The following VAV3 variants were observed in gnomAD, a reference collection of about 807,000 sequenced individuals.
VAV3 encodes the protein vav guanine nucleotide exchange factor 3, also known as guanine nucleotide exchange factor VAV3.
Under a neutral mutation model 131.2 loss-of-function variants are expected in VAV3, and 94 were observed. The observed-to-expected ratio is 0.72, with a 90% CI of 0.61 to 0.85. The LOEUF (loss-of-function observed/expected upper bound fraction) is 0.85, where lower values mean the gene tolerates loss of function less well. VAV3 is among the 40% of genes least tolerant of loss of function. The pLI is 0.00. For missense variants in VAV3, 939 were observed against 1,002.7 expected, an observed-to-expected ratio of 0.94 and a Z score of 0.86; for synonymous variants, 349 against 342.0, an observed-to-expected ratio of 1.02 and a Z score of -0.22.
At chr1:107,732,376 G>A (rs910496803) in intron 15 of VAV3, among the ~76,000 whole-genome samples, 9 of 152,082 alleles carry the variant, frequency 5.9e-5, no homozygotes, top group African/African-American at 7.2e-5. Context: ...CAGTGGGTGC[G>A]GCCACAGAGG....
At chr1:107,644,651 T>C (rs528944923) in intron 19 of VAV3, among the ~76,000 whole-genome samples, 1 of 152,192 alleles carries the variant, frequency 6.6e-6, no homozygotes, top group South Asian at 2.1e-4. Context: ...ATTGCCAACA[T>C]GCCCAAGTCA....
Position 107,598,801 on chromosome 1 carries a change from T to TACAC in VAV3, c.2221-2464_2221-2461dup, listed in dbSNP as rs35317053. On this transcript the variant is annotated intron_variant, in intron 24 of 26. Transcript: ENST00000370056. Reference sequence around the variant, plus strand: ...GCAAAATTTTGTGAGGTCTCTGGAATACACACACACACACACACACACGTA... The same window carrying TACAC: ...GCAAAATTTTGTGAGGTCTCTGGAATACACACACACACACACACACACACACGTA... Among the ~76,000 whole-genome samples, 1,067 of 149,950 alleles carry TACAC rather than the reference T, an allele frequency of 7.1e-3. 12 individuals are homozygous for TACAC. Among genetic ancestry groups the TACAC allele is most frequent in the African/African-American group, 0.019 (785 of 40,870 alleles).
At chr1:107,648,131 T>C (rs2101551872) in intron 19 of VAV3, among the ~76,000 whole-genome samples, 1 of 152,146 alleles carries the variant, frequency 6.6e-6, no homozygotes, top group Non-Finnish European at 1.5e-5. Flanking sequence ...TCAATAATTT[T>C]TAAAATTTTC....
intron 8 of VAV3, among the ~76,000 whole-genome samples, chr1:107,766,080 C>A (rs1158773723): frequency 6.6e-6 from 1 of 152,078 alleles, no homozygotes; most frequent in Non-Finnish European, 1.5e-5. Flanking sequence ...TAAGTACCAG[C>A]TAATCTACCT....
Position 107,856,459 on chromosome 1 carries a change from T to A in VAV3, c.321+18442A>T, listed in dbSNP as rs549605165. Among the ~76,000 whole-genome samples the A allele has an allele frequency of 5.3e-5, 8 of 152,240 alleles. No homozygotes were observed. The East Asian group carries it at 1.5e-3, about 29-fold the overall frequency. Reference sequence around the variant, plus strand: ...TATGAGTAGATAGCTGAAATTTCTATCCAATATGCTGATTTACTGATCAAA... The same window carrying A: ...TATGAGTAGATAGCTGAAATTTCTAACCAATATGCTGATTTACTGATCAAA... On this transcript the variant is annotated intron_variant, in intron 2 of 26. Transcript: ENST00000370056.
rs1002191151 is a variant in VAV3, at chr1:107,669,123, CAG to C, written c.1777+14363_1777+14364del. 69 of 1,085,274 alleles carry C rather than the reference CAG, an allele frequency of 6.4e-5. 1 individual carries two copies. In the African/African-American group the frequency reaches 1.0e-3, roughly 16 times the overall value. 67.2% of individuals were successfully genotyped at this position (1,085,274 alleles called of 1,614,324 possible). ...TGCCGGTGTTCTTTAAAATTGAAGA[CAG>C]AAAAATTCTTGGCTGCACTTTCATT... On this transcript the variant is annotated intron_variant, in intron 19 of 26. Coordinates refer to ENST00000370056, the MANE Select transcript of VAV3 (RefSeq NM_006113.5).
Position 107,954,460 on chromosome 1 carries a change from G to C in VAV3, c.204+10206C>G, listed in dbSNP as rs993144558. Among the ~76,000 whole-genome samples, 3 of 151,344 alleles carry C rather than the reference G, an allele frequency of 2.0e-5. No homozygotes were observed. The East Asian group carries it at 5.8e-4, about 29-fold the overall frequency. On this transcript the variant is annotated intron_variant, in intron 1 of 26. Transcript: ENST00000370056. ...TTTTCCCATTATATACCTGTCAAAA[G>C]TCTAACACCCATTTTATACTGAATA...
chr1:107,870,250 C>A (rs1198314232), intron 2 of VAV3, among the ~76,000 whole-genome samples: 2 of 152,152 alleles, frequency 1.3e-5, no homozygotes, highest in Non-Finnish European at 2.9e-5. Context: ...TACATTCCCA[C>A]CAGCAGCGTA....
intron 17 of VAV3, among the ~76,000 whole-genome samples, chr1:107,691,291 C>A (rs1659407222): frequency 6.6e-6 from 1 of 151,992 alleles, no homozygotes; most frequent in African/African-American, 2.4e-5. Context: ...AATAAGAAAC[C>A]TTTTTGTATG....
intron 1 of VAV3, 62 bp from the exon 2 acceptor site, chr1:107,875,079 G>A (rs140740073): frequency 1.4e-4 from 188 of 1,378,112 alleles, no homozygotes; most frequent in Non-Finnish European, 1.9e-4. Flanking sequence ...TCCACCCTCT[G>A]TAACACTCAA....
At chr1:107,863,252 A>G (rs533802470) in intron 2 of VAV3, among the ~76,000 whole-genome samples, 1 of 152,104 alleles carries the variant, frequency 6.6e-6, no homozygotes, top group African/African-American at 2.4e-5. Context: ...AAACATCCCA[A>G]ATCTCTCAAA....
At chr1:107,757,129 GTT>G in intron 11 of VAV3, 130 bp downstream of exon 11, 1 of 576,034 alleles carries the variant, frequency 1.7e-6, no homozygotes, top group South Asian at 3.2e-5. Flanking sequence ...ATATATATAT[GTT>G]TGTGTATATA....
intron 1 of VAV3, among the ~76,000 whole-genome samples, chr1:107,903,347 A>G (rs911291542): frequency 1.3e-5 from 2 of 152,188 alleles, no homozygotes; most frequent in Non-Finnish European, 2.9e-5. Context: ...GCTATAAAAA[A>G]TATCATATTT....
intron 2 of VAV3, among the ~76,000 whole-genome samples, chr1:107,854,502 G>A (rs1669375525): frequency 6.6e-6 from 1 of 152,070 alleles, no homozygotes; most frequent in South Asian, 2.1e-4. Context: ...TTATGTTGAT[G>A]GAATCTAATA....
intron 1 of VAV3, among the ~76,000 whole-genome samples, chr1:107,925,390 A>C (rs1673100287): frequency 6.6e-6 from 1 of 152,248 alleles, no homozygotes; most frequent in South Asian, 2.1e-4. Context: ...TATTCAGAGC[A>C]GCATTACTCA....
chr1:107,628,503 A>G (rs1654209267), intron 20 of VAV3, among the ~76,000 whole-genome samples: 2 of 152,128 alleles, frequency 1.3e-5, no homozygotes, highest in Non-Finnish European at 2.9e-5. Context: ...AATCAGCATG[A>G]CTAGAAATGC....
At chr1:107,785,966 T>A (rs750495871) in intron 2 of VAV3, among the ~76,000 whole-genome samples, 23 of 152,238 alleles carry the variant, frequency 1.5e-4, no homozygotes, top group Non-Finnish European at 2.5e-4. Flanking sequence ...CCCATTAGGA[T>A]ACACTACAGC....
At chr1:107,802,634 T>C (rs77330684) in intron 2 of VAV3, among the ~76,000 whole-genome samples, 1,895 of 152,250 alleles carry the variant, frequency 0.012, 42 homozygotes, top group African/African-American at 0.042. Context: ...GTAAAGAGGA[T>C]ACATTACATT....
chr1:107,647,256 C>T (rs769129077), intron 19 of VAV3, among the ~76,000 whole-genome samples: 1 of 149,810 alleles, frequency 6.7e-6, no homozygotes, highest in South Asian at 2.2e-4. Context: ...AGGTAATATG[C>T]TAGCCTTTCA....
Sources: allele counts gnomAD v4.1 joint callset (sites outside exome capture counted in the v4.1 genomes callset), GRCh38; gene constraint gnomAD v4.1.1; transcripts MANE v1.5; gene names NCBI Gene and HGNC (gene_info 2026-07-23, HGNC 2026-07-21).